The following AFAP1 variants were observed in gnomAD, a reference collection of about 807,000 sequenced individuals.
The protein encoded by AFAP1 is actin filament-associated protein 1.
In AFAP1, 75 loss-of-function variants were observed where a neutral mutation model predicts 93.9. The ratio of observed to expected loss-of-function variants is 0.80; its 90% CI spans 0.66 to 0.97. AFAP1 has a LOEUF of 0.97. Among genes scored for constraint, AFAP1 ranks in the 50% least tolerant of loss-of-function variants. The pLI is 0.00. For synonymous variants in AFAP1, 517 were observed against 430.7 expected (o/e 1.20, Z -2.48); for missense variants, 1,201 against 1,050.8 (o/e 1.14, Z -1.98).
chr4:7,911,341 T>C (rs931685379), intron 1 of AFAP1, among the ~76,000 whole-genome samples: 1 of 152,178 alleles, frequency 6.6e-6, no homozygotes, highest in Non-Finnish European at 1.5e-5. Flanking sequence ...TCTAAGTGCA[T>C]GAAAACCAAA....
intron 6 of AFAP1, among the ~76,000 whole-genome samples, chr4:7,833,473 G>A (rs1421937818): frequency 2.0e-5 from 3 of 152,012 alleles, no homozygotes; most frequent in African/African-American, 7.3e-5. Flanking sequence ...CTGCAAGAAC[G>A]ACCAGAATCA....
intron 17 of AFAP1, among the ~76,000 whole-genome samples, chr4:7,765,913 A>G (rs1714495827): frequency 6.6e-6 from 1 of 152,216 alleles, no homozygotes; most frequent in Non-Finnish European, 1.5e-5. Context: ...CCCGGCCACC[A>G]AAGAGGGACT....
intron 9 of AFAP1, among the ~76,000 whole-genome samples, chr4:7,808,220 T>C (rs1365658591): frequency 1.3e-5 from 2 of 152,156 alleles, no homozygotes; most frequent in Non-Finnish European, 2.9e-5. Flanking sequence ...GTTTTCCTCC[T>C]AGGAAGAGCT....
chr4:7,887,814 T>C (rs1718218429), intron 1 of AFAP1, among the ~76,000 whole-genome samples: 1 of 148,542 alleles, frequency 6.7e-6, no homozygotes, highest in Non-Finnish European at 1.5e-5. Context: ...CTATTTGTTT[T>C]TATTTCATAA....
intron 4 of AFAP1, among the ~76,000 whole-genome samples, chr4:7,846,072 A>G (rs1713659859): frequency 6.6e-6 from 1 of 152,194 alleles, no homozygotes; most frequent in South Asian, 2.1e-4. Context: ...GAGCGAAAGC[A>G]CTGACAAGCA....
chr4:7,889,703 T>TAA (rs755652603), intron 1 of AFAP1, among the ~76,000 whole-genome samples: 1,187 of 77,400 alleles, frequency 0.015, 6 homozygotes, highest in Non-Finnish European at 0.032. Flanking sequence ...TTTTTTTTTT[T>TAA]TAAAAAAAGA....
chr4:7,801,644 G>A lies in AFAP1; in HGVS notation c.1055-991C>T, dbSNP rs1719040793. Among the ~76,000 whole-genome samples, 5 of 152,028 alleles carry A rather than the reference G, an allele frequency of 3.3e-5. 1 individual carries two copies. The South Asian group carries it at 8.3e-4, about 25-fold the overall frequency. On this transcript the variant is annotated intron_variant, in intron 9 of 17. Coordinates refer to ENST00000420658, the MANE Select transcript of AFAP1 (RefSeq NM_001134647.2). ...AGCATAGAAAATGTTGATAGTGGCA[G>A]AAAAGGAAGTACCAGATTCCTAACT... is the stretch of plus-strand genomic sequence containing the variant.
At chr4:7,787,005 C>T (rs1006251633) in intron 11 of AFAP1, among the ~76,000 whole-genome samples, 2 of 152,192 alleles carry the variant, frequency 1.3e-5, no homozygotes, top group Admixed American at 6.5e-5. Context: ...GACAGCGGCC[C>T]GAGAAATCCT....
At chr4:7,811,392 C>T (rs560853877) in intron 8 of AFAP1, among the ~76,000 whole-genome samples, 8 of 151,642 alleles carry the variant, frequency 5.3e-5, no homozygotes, top group African/African-American at 1.5e-4. Flanking sequence ...CACAAGACGA[C>T]GCGCCCTGGC....
chr4:7,827,590 A>AAAAAAAAAAAG (rs1721544109), intron 6 of AFAP1, among the ~76,000 whole-genome samples: 1 of 142,382 alleles, frequency 7.0e-6, no homozygotes, highest in African/African-American at 2.6e-5. Flanking sequence ...AAAAAAAAAA[A>AAAAAAAAAAAG]GGGAGAGGAG....
chr4:7,806,534 A>G (rs1015174081), intron 9 of AFAP1, among the ~76,000 whole-genome samples: 2 of 152,124 alleles, frequency 1.3e-5, no homozygotes, highest in Admixed American at 6.5e-5. Context: ...TCGGCCCTTC[A>G]TCTCCCTGGA....
chr4:7,927,881 G>C (rs1419900850), intron 1 of AFAP1, among the ~76,000 whole-genome samples: 1 of 152,120 alleles, frequency 6.6e-6, no homozygotes, highest in African/African-American at 2.4e-5. Flanking sequence ...ACACATAGCA[G>C]AACAATGTAA....
chr4:7,855,503 C>A lies in AFAP1; in HGVS notation c.297G>T (p.Pro99=), dbSNP rs61742221. 3 of 1,613,080 alleles carry A rather than the reference C, an allele frequency of 1.9e-6. No homozygotes were observed. Among genetic ancestry groups the A allele is most frequent in the African/African-American group, 2.7e-5 (2 of 74,822 alleles). Residue 99 remains proline, a synonymous_variant, in exon 4 of 18, where the codon CCG becomes CCT. Coordinates refer to ENST00000420658, the MANE Select transcript of AFAP1 (RefSeq NM_001134647.2). ...ATTCCGGAGCTTTTCCGGGGCTCAG[C>A]GGCACAGCTTCCTCATAATAACCTT... ...LPEGYYEEAV[P]LSPGKAPEYI... is the part of the protein sequence containing the mutation.
chr4:7,899,102 C>G (rs980345277), intron 1 of AFAP1, among the ~76,000 whole-genome samples: 1 of 151,624 alleles, frequency 6.6e-6, no homozygotes, highest in African/African-American at 2.4e-5. Flanking sequence ...AAATACATAC[C>G]TAAGCAGAGA....
chr4:7,877,397 G>A (rs974623566), intron 1 of AFAP1, among the ~76,000 whole-genome samples: 5 of 152,354 alleles, frequency 3.3e-5, no homozygotes, highest in Admixed American at 2.6e-4. Context: ...AAGAACTCCT[G>A]TGTCAGCTTT....
intron 17 of AFAP1, among the ~76,000 whole-genome samples, chr4:7,766,643 G>A (rs1714627747): frequency 2.0e-5 from 3 of 148,114 alleles, no homozygotes; most frequent in Admixed American, 2.0e-4. Context: ...GAGGGTAACA[G>A]AATCTCCAGG....
chr4:7,834,267 A>C (rs1712006031), intron 6 of AFAP1, among the ~76,000 whole-genome samples: 1 of 152,226 alleles, frequency 6.6e-6, no homozygotes, highest in South Asian at 2.1e-4. Context: ...GTTCTCACTC[A>C]TAAGTGGGAG....
At chr4:7,788,085 G>A (rs1359292292) in intron 11 of AFAP1, among the ~76,000 whole-genome samples, 1 of 152,242 alleles carries the variant, frequency 6.6e-6, no homozygotes, top group Non-Finnish European at 1.5e-5. Flanking sequence ...AGGAGCGCAG[G>A]GACCATGCGG....
At chr4:7,841,180 G>A (rs1198973984) in intron 5 of AFAP1, among the ~76,000 whole-genome samples, 1 of 152,230 alleles carries the variant, frequency 6.6e-6, no homozygotes, top group African/African-American at 2.4e-5. Flanking sequence ...GGAGCAAGGA[G>A]AGGGAGGAGT....
Sources: allele counts gnomAD v4.1 joint callset (sites outside exome capture counted in the v4.1 genomes callset), GRCh38; gene constraint gnomAD v4.1.1; transcripts MANE v1.5; gene names NCBI Gene and HGNC (gene_info 2026-07-23, HGNC 2026-07-21).